The following NWD2 variants were observed in gnomAD, a reference collection of about 807,000 sequenced individuals.
The protein encoded by NWD2 is NACHT and WD repeat domain containing 2, also known as NACHT and WD repeat domain-containing protein 2.
NWD2 carries 37 observed loss-of-function variants against 132.7 expected under a neutral mutation model. The observed-to-expected ratio is 0.28, with a 90% CI of 0.21 to 0.37. The LOEUF (loss-of-function observed/expected upper bound fraction) is 0.37, where lower values mean the gene tolerates loss of function less well. NWD2 is among the 10% of genes least tolerant of loss of function. The probability of loss-of-function intolerance (pLI) is 1.00; values close to 1 mark genes in which losing one functional copy is unlikely to be tolerated. For missense variants in NWD2, 1,592 were observed against 2,122.4 expected (o/e 0.75, Z 4.91); for synonymous variants, 705 against 803.0 (o/e 0.88, Z 2.06).
At chr4:37,320,140 CT>C (rs1719039111) in intron 1 of NWD2, among the ~76,000 whole-genome samples, 1 of 152,096 alleles carries the variant, frequency 6.6e-6, no homozygotes, top group African/African-American at 2.4e-5. Context: ...TTTGTGTCAT[CT>C]GTGATTTCCT....
chr4:37,407,499 C>T (rs942956172), intron 3 of NWD2, among the ~76,000 whole-genome samples: 1 of 152,138 alleles, frequency 6.6e-6, no homozygotes, highest in South Asian at 2.1e-4. Flanking sequence ...GATCCAGGGG[C>T]CACACTTTGA....
intron 5 of NWD2, 97 bp from the exon 6 acceptor site, chr4:37,438,704 A>G: frequency 1.2e-6 from 1 of 800,114 alleles, no homozygotes; most frequent in Admixed American, 3.1e-5. Context: ...CATAAGCAAA[A>G]TAATTTACCA....
chr4:37,410,635 A>G (rs182864372), intron 3 of NWD2, among the ~76,000 whole-genome samples: 34 of 152,312 alleles, frequency 2.2e-4, no homozygotes, highest in Non-Finnish European at 2.9e-4. Context: ...TCAGCTCTGG[A>G]CCAAGCGGAA....
At chr4:37,423,544 A>G (rs1210314432) in intron 3 of NWD2, among the ~76,000 whole-genome samples, 1 of 152,216 alleles carries the variant, frequency 6.6e-6, no homozygotes, top group Non-Finnish European at 1.5e-5. Context: ...GTCCCGGTCC[A>G]AGAGCGGAAG....
chr4:37,349,523 A>T (rs569052919), intron 2 of NWD2, among the ~76,000 whole-genome samples: 4 of 151,962 alleles, frequency 2.6e-5, no homozygotes, highest in African/African-American at 9.7e-5. Flanking sequence ...CCACTTTTTG[A>T]TTGGGTTGTT....
At chr4:37,313,443 T>G (rs193007937) in intron 1 of NWD2, among the ~76,000 whole-genome samples, 1 of 151,180 alleles carries the variant, frequency 6.6e-6, no homozygotes, top group Non-Finnish European at 1.5e-5. Context: ...TCTCTGATGG[T>G]AGTTTGTATT....
chr4:37,287,856 C>A (rs189580885), intron 1 of NWD2, among the ~76,000 whole-genome samples: 3 of 152,344 alleles, frequency 2.0e-5, no homozygotes, highest in African/African-American at 7.2e-5. Flanking sequence ...AAGATACATG[C>A]ACACATATGT....
intron 2 of NWD2, among the ~76,000 whole-genome samples, chr4:37,327,790 A>C (rs1327023509): frequency 6.6e-6 from 1 of 152,010 alleles, no homozygotes; most frequent in East Asian, 1.9e-4. Flanking sequence ...TCTTCTCTCA[A>C]CTCAACAAAA....
At chr4:37,286,888 G>A (rs1199534590) in intron 1 of NWD2, among the ~76,000 whole-genome samples, 4 of 151,924 alleles carry the variant, frequency 2.6e-5, no homozygotes. Context: ...CAAGATGGTC[G>A]ACTAGAAACA....
chr4:37,252,960 A>G (rs1424323716), intron 1 of NWD2, among the ~76,000 whole-genome samples: 4 of 152,024 alleles, frequency 2.6e-5, no homozygotes, highest in African/African-American at 9.7e-5. Flanking sequence ...GCATACAGGG[A>G]AAGGAGGAAT....
chr4:37,246,751 A>T (rs1382875587), intron 1 of NWD2, among the ~76,000 whole-genome samples: 1 of 152,234 alleles, frequency 6.6e-6, no homozygotes, highest in Admixed American at 6.5e-5. Flanking sequence ...TAAAAAAGTC[A>T]TGTGAAATGT....
chr4:37,336,204 TC>T, intron 2 of NWD2, among the ~76,000 whole-genome samples: 1 of 152,320 alleles, frequency 6.6e-6, no homozygotes, highest in South Asian at 2.1e-4. Flanking sequence ...TTCTGGTTTT[TC>T]TTAGATATTC....
At position 37,445,794 on chromosome 4, in the gene NWD2, G is replaced by C; in HGVS notation, c.3806G>C (p.Ser1269Thr). Residue 1269 changes from serine (S) to threonine (T), a missense_variant, in exon 7 of 7, where the codon AGC becomes ACC. This residue lies in a region of NWD2 where 1,071 missense variants were observed against 1,398.0 expected (regional missense o/e 0.77). Transcript: ENST00000309447. The surrounding 1 kb of genome is among the most constrained non-coding windows in gnomAD (Gnocchi z 4.7). ...WRRDTGQCMA[S>T]LQEISGSIVK... is the part of the protein sequence containing the mutation. ...CGGGACACAGGACAGTGTATGGCAAGCTTGCAGGAAATCTCAGGTTCCATT... is the reference window on the plus strand; with the variant it reads ...CGGGACACAGGACAGTGTATGGCAACCTTGCAGGAAATCTCAGGTTCCATT... 6.4e-7 allele frequency: 1 copy of C among 1,551,950 alleles called. No individual in the cohort carries two copies. Among genetic ancestry groups the C allele is most frequent in the East Asian group, 2.4e-5 (1 of 40,922 alleles).
chr4:37,418,631 C>G, intron 3 of NWD2, among the ~76,000 whole-genome samples: 1 of 142,570 alleles, frequency 7.0e-6, no homozygotes, highest in South Asian at 2.3e-4. Context: ...ATCTTTCTCC[C>G]AAAAAAAAAA....
intron 1 of NWD2, among the ~76,000 whole-genome samples, chr4:37,310,471 G>C (rs1022864605): frequency 2.0e-5 from 3 of 152,008 alleles, no homozygotes; most frequent in African/African-American, 7.2e-5. Flanking sequence ...AAACTTCTAA[G>C]ATTTGGATAA....
chr4:37,428,879 A>G (rs969608177), intron 3 of NWD2, among the ~76,000 whole-genome samples: 2 of 152,142 alleles, frequency 1.3e-5, no homozygotes, highest in Admixed American at 1.3e-4. Context: ...TTACAGGCAC[A>G]CACCACCATG....
intron 1 of NWD2, among the ~76,000 whole-genome samples, chr4:37,250,211 T>G (rs1717331453): frequency 6.6e-6 from 1 of 152,026 alleles, no homozygotes; most frequent in African/African-American, 2.4e-5. Flanking sequence ...AGAACATCTT[T>G]AAAACCTAAG....
At chr4:37,414,661 T>C (rs1255137744) in intron 3 of NWD2, among the ~76,000 whole-genome samples, 3 of 152,186 alleles carry the variant, frequency 2.0e-5, no homozygotes, top group Non-Finnish European at 4.4e-5. Flanking sequence ...GGAAGACTGC[T>C]GGAAGTGGGT....
intron 3 of NWD2, among the ~76,000 whole-genome samples, chr4:37,357,356 G>A (rs185644592): frequency 8.5e-5 from 13 of 152,234 alleles, no homozygotes; most frequent in East Asian, 5.8e-4. Context: ...TTGCATATCC[G>A]TCTATATTTG....
Sources: allele counts gnomAD v4.1 joint callset (sites outside exome capture counted in the v4.1 genomes callset), GRCh38; gene constraint gnomAD v4.1.1; regional missense constraint gnomAD v4.1.1; non-coding constraint Gnocchi (gnomAD v3.1); transcripts MANE v1.5; gene names NCBI Gene and HGNC (gene_info 2026-07-23, HGNC 2026-07-21).